DRD2: variants seen among roughly 807,000 people sequenced by gnomAD.
DRD2 encodes the protein D(2) dopamine receptor.
Under a neutral mutation model 38.0 loss-of-function variants are expected in DRD2, and 8 were observed. The observed-to-expected ratio is 0.21, with a 90% CI of 0.12 to 0.38. The LOEUF is 0.38. Among genes scored for constraint, DRD2 ranks in the 10% least tolerant of loss-of-function variants. The probability of loss-of-function intolerance (pLI) is 1.00; values close to 1 mark genes in which losing one functional copy is unlikely to be tolerated. For missense variants in DRD2, 403 were observed against 607.7 expected (o/e 0.66, Z 3.54); for synonymous variants, 230 against 238.6 (o/e 0.96, Z 0.33).
chr11:113,438,594 C>A (rs1951059690), intron 1 of DRD2, among the ~76,000 whole-genome samples: 1 of 152,172 alleles, frequency 6.6e-6, no homozygotes, highest in African/African-American at 2.4e-5. Flanking sequence ...CACTACTCAC[C>A]CCTGAACTAA....
At chr11:113,469,238 C>T (rs772929400) in intron 1 of DRD2, among the ~76,000 whole-genome samples, 6 of 152,046 alleles carry the variant, frequency 3.9e-5, no homozygotes, top group Non-Finnish European at 7.4e-5. Context: ...ACGCCCAGTG[C>T]ATTTCATCCA....
intron 2 of DRD2, among the ~76,000 whole-genome samples, chr11:113,418,888 C>T (rs1950854107): frequency 6.6e-6 from 1 of 152,204 alleles, no homozygotes; most frequent in Non-Finnish European, 1.5e-5. Context: ...CCCAAGCCTG[C>T]TGCTTCCCCC....
At chr11:113,444,055 T>A (rs1005435880) in intron 1 of DRD2, among the ~76,000 whole-genome samples, 1 of 152,184 alleles carries the variant, frequency 6.6e-6, no homozygotes, top group African/African-American at 2.4e-5. Context: ...TGTGTTTTTG[T>A]TTTTCTTTCT....
chr11:113,425,565 G>A (rs1321994692), intron 1 of DRD2, among the ~76,000 whole-genome samples: 7 of 152,298 alleles, frequency 4.6e-5, no homozygotes, highest in East Asian at 1.9e-4. Context: ...TTCGCCTTTC[G>A]AATAGGTGAT....
chr11:113,455,065 T>A (rs758709418), intron 1 of DRD2, among the ~76,000 whole-genome samples: 4 of 152,142 alleles, frequency 2.6e-5, no homozygotes, highest in Non-Finnish European at 5.9e-5. Context: ...GATGTTGATC[T>A]GGGCCGGGCA....
intron 1 of DRD2, among the ~76,000 whole-genome samples, chr11:113,429,370 G>A (rs1030895806): frequency 2.6e-5 from 4 of 152,090 alleles, no homozygotes; most frequent in African/African-American, 7.2e-5. Context: ...TCAGCCTCCC[G>A]AGTAGCCAGG....
In DRD2 at chr11:113,424,593, C is replaced by G. The variant is rs199932425; in HGVS notation, c.59G>C (p.Arg20Pro). ...DDDLERQNWS[R>P]PFNGSDGKAD... ...CTTCCCGTCTGACCCGTTGAAGGGC[C>G]GGCTCCAGTTCTGCCTCTCCAGATC... The change falls in exon 2 of 8, where the codon CGG becomes CCG. Residue 20 changes from arginine (R) to proline (P), a missense_variant. Arg to Pro is a moderately radical substitution (Grantham distance 103, BLOSUM62 -2). This residue lies in a region of DRD2 where 162 missense variants were observed against 254.5 expected (regional missense o/e 0.64). Transcript: ENST00000362072. 6.8e-6 allele frequency: 11 copies of G among 1,614,042 alleles called. No individual in the cohort carries two copies. In the Admixed American group the frequency reaches 1.5e-4, roughly 22 times the overall value.
chr11:113,432,484 G>T (rs1339882779), intron 1 of DRD2, among the ~76,000 whole-genome samples: 1 of 152,142 alleles, frequency 6.6e-6, no homozygotes, highest in Non-Finnish European at 1.5e-5. Context: ...TGAAAGTTCG[G>T]CACTTGAAGG....
Position 113,415,464 on chromosome 11 carries a change from C to T in DRD2, c.680G>A (p.Arg227His), listed in dbSNP as rs371023969. ...GTGGGCCCTGAAAGCTCGGCTGCTG[C>T]GTTTGGTGTTGACTCGCTTGCGGCG... ...RRRRKRVNTK[R>H]SSRAFRAHLR... The change falls in exon 5 of 8, where the codon CGC becomes CAC. Residue 227 changes from arginine (R) to histidine (H), a missense_variant. Around this residue, in one of 4 missense-constraint regions of DRD2, gnomAD observed 166 missense variants for 178.6 expected, o/e 0.93. Transcript: ENST00000362072. The T allele has an allele frequency of 1.2e-5, 19 of 1,613,800 alleles. No individual in the cohort carries two copies. The highest frequency in any genetic ancestry group is 3.3e-5 in the Admixed American group (2 of 59,990).
At position 113,420,429 on chromosome 11, in the gene DRD2, G is replaced by A. The variant is rs570821737; in HGVS notation, c.286-2293C>T. On this transcript the variant is annotated intron_variant, in intron 2 of 7. Coordinates refer to ENST00000362072, the MANE Select transcript of DRD2 (RefSeq NM_000795.4). ...GGAAGCTGCCTTGGAGAGTAGTTAG[G>A]GCTGCTAACTTAAAGACTCAAGAAA... Among the ~76,000 whole-genome samples, 5 of 152,300 alleles carry A rather than the reference G, an allele frequency of 3.3e-5. No homozygotes were observed. In the East Asian group the frequency reaches 9.7e-4, roughly 29 times the overall value.
intron 1 of DRD2, among the ~76,000 whole-genome samples, chr11:113,460,664 T>C (rs1331029658): frequency 2.0e-5 from 3 of 152,226 alleles, no homozygotes; most frequent in Non-Finnish European, 4.4e-5. Context: ...CATGTGCCCC[T>C]GTCCCTGCCC....
At chr11:113,449,862 G>A (rs1951193687) in intron 1 of DRD2, among the ~76,000 whole-genome samples, 1 of 152,248 alleles carries the variant, frequency 6.6e-6, no homozygotes. Context: ...AAATGGCTGA[G>A]AGCCAAGAAA....
rs185226122 is a variant in DRD2 at position 113,422,830 on chromosome 11, G to A, written c.285+1537C>T. 1.1e-4 allele frequency among the ~76,000 whole-genome samples: 17 copies of A among 152,258 alleles called. 1 individual carries two copies. The highest frequency in any genetic ancestry group is 4.2e-4 in the South Asian group (2 of 4,818). On this transcript the variant is annotated intron_variant, in intron 2 of 7. Coordinates refer to ENST00000362072, the MANE Select transcript of DRD2 (RefSeq NM_000795.4). ...ACCAGTCTCGCCTCCTCACCTGAGCGTCCTCATCTAGATTTCTCCCCTGTT... is the reference window on the plus strand; with the variant it reads ...ACCAGTCTCGCCTCCTCACCTGAGCATCCTCATCTAGATTTCTCCCCTGTT...
intron 6 of DRD2, chr11:113,413,863 TG>T (rs55900980): frequency 0.17 from 39,922 of 234,982 alleles, 4,347 homozygotes; most frequent in East Asian, 0.41. Flanking sequence ...GCTGCTCTGC[TG>T]CGTCCTACCC....
intron 1 of DRD2, among the ~76,000 whole-genome samples, chr11:113,435,781 G>A (rs1410826406): frequency 6.6e-6 from 1 of 152,218 alleles, no homozygotes; most frequent in Non-Finnish European, 1.5e-5. Flanking sequence ...AGAGCCCAGA[G>A]AGGAGGAAGG....
intron 1 of DRD2, among the ~76,000 whole-genome samples, chr11:113,453,860 G>C (rs569525056): frequency 6.6e-6 from 1 of 152,166 alleles, no homozygotes; most frequent in South Asian, 2.1e-4. Flanking sequence ...GAAGGTCAAT[G>C]TATATTAGTC....
chr11:113,472,768 A>G (rs969717482), intron 1 of DRD2, among the ~76,000 whole-genome samples: 14 of 152,246 alleles, frequency 9.2e-5, no homozygotes, highest in African/African-American at 3.1e-4. Flanking sequence ...ATGAAAGACA[A>G]TAACTCACCC....
intron 1 of DRD2, among the ~76,000 whole-genome samples, chr11:113,462,564 A>C (rs1000361595): frequency 6.6e-5 from 10 of 152,174 alleles, no homozygotes; most frequent in Admixed American, 6.5e-5. Flanking sequence ...TGGAAGAGAC[A>C]AGACAGTATC....
At chr11:113,449,503 A>G (rs1057210707) in intron 1 of DRD2, among the ~76,000 whole-genome samples, 2 of 152,166 alleles carry the variant, frequency 1.3e-5, no homozygotes, top group African/African-American at 4.8e-5. Context: ...CGTCCTTCCA[A>G]CATGAGCAGA....
Sources: gnomAD v4.1 joint callset for allele counts (sites outside exome capture counted in the v4.1 genomes callset) on GRCh38, gnomAD v4.1.1 for gene constraint, gnomAD v4.1.1 regional missense constraint, MANE v1.5 for transcripts, NCBI Gene and HGNC (gene_info 2026-07-23, HGNC 2026-07-21) for gene names.